Variants in EXOC6B observed in about 807,000 individuals in gnomAD.
EXOC6B encodes the protein SEC15 homolog B.
EXOC6B carries 54 observed loss-of-function variants against 113.5 expected under a neutral mutation model. That is an observed-to-expected ratio of 0.48 (90% CI 0.38 to 0.60). EXOC6B has a LOEUF of 0.60. Ranked by LOEUF, EXOC6B falls within the 20% of genes least tolerant of loss-of-function variation. The pLI, the probability that EXOC6B is intolerant of heterozygous loss-of-function variation, is 0.00. For missense variants in EXOC6B, 797 were observed against 977.5 expected, an observed-to-expected ratio of 0.82 and a Z score of 2.46; for synonymous variants, 357 against 339.0, an observed-to-expected ratio of 1.05 and a Z score of -0.58.
intron 17 of EXOC6B, among the ~76,000 whole-genome samples, chr2:72,471,036 C>T (rs1179903805): frequency 6.6e-6 from 1 of 152,142 alleles, no homozygotes; most frequent in South Asian, 2.1e-4. Flanking sequence ...CTTGAGGAAT[C>T]ACCACACTGA....
chr2:72,439,150 T>C (rs1339457983), intron 18 of EXOC6B, among the ~76,000 whole-genome samples: 1 of 152,326 alleles, frequency 6.6e-6, no homozygotes, highest in East Asian at 1.9e-4. Context: ...AATAATTATT[T>C]GTAAAGCAAC....
Position 72,718,233 on chromosome 2 carries a change from C to A in EXOC6B, c.539G>T (p.Cys180Phe). The A allele has an allele frequency of 6.2e-7, 1 of 1,613,800 alleles. No individual in the cohort carries two copies. Among genetic ancestry groups the A allele is most frequent in the Non-Finnish European group, 8.5e-7 (1 of 1,179,784 alleles). Reference sequence around the variant, plus strand: ...GGGGATGTTGTCCACCATCACCTTGCAGAATCGATAGTGGCTTACTTGAGG... The same window carrying A: ...GGGGATGTTGTCCACCATCACCTTGAAGAATCGATAGTGGCTTACTTGAGG... ...YLPQVSHYRF[C>F]KVMVDNIPKL... Residue 180 changes from cysteine to phenylalanine, a missense_variant, in exon 6 of 22, where the codon TGC (cysteine) becomes TTC (phenylalanine). Transcript: ENST00000272427.
chr2:72,181,493 T>C (rs1444611130), intron 21 of EXOC6B, among the ~76,000 whole-genome samples: 3 of 152,208 alleles, frequency 2.0e-5, no homozygotes, highest in Non-Finnish European at 4.4e-5. Flanking sequence ...AAAGATTCCC[T>C]TTCCTCCGCT....
chr2:72,546,833 A>G (rs1212899051), intron 8 of EXOC6B, among the ~76,000 whole-genome samples: 1 of 152,234 alleles, frequency 6.6e-6, no homozygotes, highest in Non-Finnish European at 1.5e-5. Flanking sequence ...AGGCTTCCAA[A>G]TTTAAGAAAA....
chr2:72,662,518 C>T (rs1041082480), intron 6 of EXOC6B, among the ~76,000 whole-genome samples: 1 of 152,106 alleles, frequency 6.6e-6, no homozygotes, highest in Non-Finnish European at 1.5e-5. Flanking sequence ...AGACACTTCA[C>T]CAAAGAGTAC....
At chr2:72,671,794 A>G (rs1475093259) in intron 6 of EXOC6B, among the ~76,000 whole-genome samples, 1 of 132,146 alleles carries the variant, frequency 7.6e-6, no homozygotes, top group African/African-American at 2.9e-5. Flanking sequence ...AAAGAAAGAA[A>G]GAAAGAAAGA....
intron 20 of EXOC6B, among the ~76,000 whole-genome samples, chr2:72,267,058 GTC>G (rs1684151232): frequency 6.6e-6 from 1 of 152,100 alleles, no homozygotes; most frequent in Non-Finnish European, 1.5e-5. Context: ...CTCTCTGTTT[GTC>G]TGTTATTGGT....
intron 6 of EXOC6B, among the ~76,000 whole-genome samples, chr2:72,594,865 T>C (rs948727540): frequency 6.6e-6 from 1 of 152,158 alleles, no homozygotes; most frequent in Non-Finnish European, 1.5e-5. Flanking sequence ...TCAAATAGTA[T>C]ATAATTAAAG....
At chr2:72,349,753 G>T (rs562272076) in intron 19 of EXOC6B, among the ~76,000 whole-genome samples, 5 of 152,106 alleles carry the variant, frequency 3.3e-5, no homozygotes, top group Non-Finnish European at 7.3e-5. Context: ...TAAGTACAGA[G>T]CTTTCAGTGA....
intron 18 of EXOC6B, among the ~76,000 whole-genome samples, chr2:72,406,318 T>A (rs980250779): frequency 6.6e-6 from 1 of 151,814 alleles, no homozygotes; most frequent in Non-Finnish European, 1.5e-5. Context: ...AACAAGGATA[T>A]CCAGGAATTG....
At chr2:72,673,621 C>G (rs1156698581) in intron 6 of EXOC6B, among the ~76,000 whole-genome samples, 1 of 152,040 alleles carries the variant, frequency 6.6e-6, no homozygotes, top group Non-Finnish European at 1.5e-5. Flanking sequence ...ATTTAGCACA[C>G]TAGACCCATG....
At chr2:72,624,136 A>T (rs1390847960) in intron 6 of EXOC6B, among the ~76,000 whole-genome samples, 4 of 152,118 alleles carry the variant, frequency 2.6e-5, no homozygotes, top group Non-Finnish European at 4.4e-5. Flanking sequence ...AAATCAGATC[A>T]TCTTTTTTTT....
chr2:72,456,311 T>G (rs940677803), intron 18 of EXOC6B, among the ~76,000 whole-genome samples: 3 of 152,130 alleles, frequency 2.0e-5, no homozygotes, highest in African/African-American at 7.2e-5. Flanking sequence ...GCTTTTGACT[T>G]CTCTTTTCTA....
chr2:72,464,062 G>A (rs1697880848), intron 18 of EXOC6B: 1 of 152,038 alleles, frequency 6.6e-6, no homozygotes, highest in African/African-American at 2.4e-5. Context: ...ACCTCCCAAG[G>A]CCTCACCTCC....
intron 6 of EXOC6B, among the ~76,000 whole-genome samples, chr2:72,600,621 CAAATAGATGATG>C (rs1029902649): frequency 2.2e-4 from 34 of 152,024 alleles, no homozygotes; most frequent in African/African-American, 7.2e-4. Flanking sequence ...GTCATTTCAA[CAAATAGATGATG>C]GAACAGCCGG....
rs1348016184 is a variant in EXOC6B at position 72,728,567 on chromosome 2, A to C, written c.464+2440T>G. Among the ~76,000 whole-genome samples the C allele has an allele frequency of 4.6e-5, 7 of 152,212 alleles. No individual in the cohort carries two copies. In the East Asian group the frequency reaches 1.3e-3, roughly 29 times the overall value. On this transcript the variant is annotated intron_variant, in intron 5 of 21. Coordinates refer to ENST00000272427, the MANE Select transcript of EXOC6B (RefSeq NM_015189.3). Reference sequence around the variant, plus strand: ...TAAAACTTACTCATGTTATATACTCATAATGGGTTGGCAGGTATGCTATGC... The same window carrying C: ...TAAAACTTACTCATGTTATATACTCCTAATGGGTTGGCAGGTATGCTATGC...
chr2:72,615,531 A>T (rs1012184293), intron 6 of EXOC6B, among the ~76,000 whole-genome samples: 1 of 151,772 alleles, frequency 6.6e-6, no homozygotes, highest in Non-Finnish European at 1.5e-5. Flanking sequence ...AGAAAGTAAC[A>T]TACAGAAAAT....
chr2:72,620,682 C>T (rs1671691965), intron 6 of EXOC6B, among the ~76,000 whole-genome samples: 1 of 151,622 alleles, frequency 6.6e-6, no homozygotes, highest in African/African-American at 2.4e-5. Flanking sequence ...AAAGAGCTTC[C>T]ATACAGCAAA....
intron 20 of EXOC6B, among the ~76,000 whole-genome samples, chr2:72,221,242 G>C (rs560135874): frequency 6.6e-6 from 1 of 152,248 alleles, no homozygotes; most frequent in Non-Finnish European, 1.5e-5. Context: ...TTTAAGCCAG[G>C]ATTGACATTC....
Sources: gnomAD v4.1 joint callset for allele counts (sites outside exome capture counted in the v4.1 genomes callset) on GRCh38, gnomAD v4.1.1 for gene constraint, MANE v1.5 for transcripts, NCBI Gene and HGNC (gene_info 2026-07-23, HGNC 2026-07-21) for gene names.